PER2: variants seen among roughly 807,000 people sequenced by gnomAD.
PER2 encodes the protein period circadian protein homolog 2.
Under a neutral mutation model 121.0 loss-of-function variants are expected in PER2, and 66 were observed. The ratio of observed to expected loss-of-function variants is 0.55; its 90% CI spans 0.45 to 0.67. PER2 has a LOEUF of 0.67. Ranked by LOEUF, PER2 falls within the 30% of genes least tolerant of loss-of-function variation. The pLI, the probability that PER2 is intolerant of heterozygous loss-of-function variation, is 0.00. For synonymous variants in PER2, 684 were observed against 659.9 expected, an observed-to-expected ratio of 1.04 and a Z score of -0.56; for missense variants, 1,521 against 1,635.0, an observed-to-expected ratio of 0.93 and a Z score of 1.20.
In PER2 at chr2:238,255,820, G is replaced by A. The variant is rs776825630; in HGVS notation, c.2157C>T (p.Pro719=). Residue 719 remains proline, a synonymous_variant, in exon 18 of 23, where the codon CCC becomes CCT. Transcript: ENST00000254657. ...LACGLSQEKE[P]FKKLGLTKEV... ...CCTTGGTGAGGCCCAGCTTCTTGAA[G>A]GGCTCCTTCTCTTGGCTGAGACCAC... 6.2e-7 allele frequency: 1 copy of A among 1,614,168 alleles called. No homozygotes were observed. Among genetic ancestry groups the A allele is most frequent in the Non-Finnish European group, 8.5e-7 (1 of 1,180,012 alleles).
chr2:238,255,487 G>T, intron 18 of PER2, 170 bp downstream of exon 18: 1 of 732,708 alleles, frequency 1.4e-6, no homozygotes, highest in Non-Finnish European at 2.4e-6. Context: ...CACCCCCCCG[G>T]TGGGAAGTTC....
chr2:238,293,442 A>C (rs1696995631), upstream of PER2, among the ~76,000 whole-genome samples: 1 of 152,214 alleles, frequency 6.6e-6, no homozygotes. Context: ...AGAAAGGATT[A>C]AAACCTCAAA....
upstream of PER2, chr2:238,289,723 G>A (rs927023057): frequency 6.6e-6 from 1 of 152,300 alleles, no homozygotes; most frequent in African/African-American, 2.4e-5. Context: ...AACGGTGCAA[G>A]CCGTAGAGAC....
At position 238,275,911 on chromosome 2, in the gene PER2, G is replaced by C; in HGVS notation, c.294-14C>G. 6.2e-7 allele frequency: 1 copy of C among 1,614,188 alleles called. No homozygotes were observed. The highest frequency in any genetic ancestry group is 8.5e-7 in the Non-Finnish European group (1 of 1,179,972). ...GACTGGTCGCTACTGCAGGATTCAA[G>C]AAAGAGGCAGCCAAATGTTAGCTTC... On this transcript the variant is annotated splice_polypyrimidine_tract_variant and intron_variant, in intron 3 of 22. Coordinates refer to ENST00000254657, the MANE Select transcript of PER2 (RefSeq NM_022817.3).
At chr2:238,261,310 C>T (rs13382977) in intron 12 of PER2, 11,452 of 391,106 alleles carry the variant, frequency 0.029, 456 homozygotes, top group African/African-American at 0.12. Flanking sequence ...GACAGGCAGG[C>T]GCCTACTCAG....
chr2:238,249,166 G>T lies in PER2; in HGVS notation c.3514C>A (p.Leu1172Ile). 6.2e-7 allele frequency: 1 copy of T among 1,614,090 alleles called. No homozygotes were observed. Among genetic ancestry groups the T allele is most frequent in the Non-Finnish European group, 8.5e-7 (1 of 1,179,946 alleles). Residue 1172 changes from leucine (L) to isoleucine (I), a missense_variant, in exon 22 of 23, where the codon CTA becomes ATA. By Grantham distance (5) the Leu-to-Ile change is conservative. Coordinates refer to ENST00000254657, the MANE Select transcript of PER2 (RefSeq NM_022817.3). ...GTGAACCTGGGCTGGAGTTTCTGTA[G>T]GAGCTTCAGCTTCTCTCTGTCCTCC... Reference protein sequence around the residue: ...LKEDREKLKLLQKLQPRFTES... With the variant: ...LKEDREKLKLIQKLQPRFTES...
chr2:238,260,898 T>C lies in PER2; in HGVS notation c.1472A>G (p.His491Arg). The C allele has an allele frequency of 1.2e-6, 2 of 1,613,724 alleles. No individual in the cohort carries two copies. Among genetic ancestry groups the C allele is most frequent in the Non-Finnish European group, 1.7e-6 (2 of 1,180,008 alleles). ...GYGSLGSNGS[H>R]EHLMSQTSSS... ...GGAGGTCTGGCTCATAAGGTGCTCG[T>C]GGGACCCGTTGCTGCCCAGACTCCC... is the stretch of plus-strand genomic sequence containing the variant. Residue 491 changes from histidine (H) to arginine (R), a missense_variant, in exon 13 of 23, where the codon CAC becomes CGC. Coordinates refer to ENST00000254657, the MANE Select transcript of PER2 (RefSeq NM_022817.3).
intron 6 of PER2, 91 bp downstream of exon 6, chr2:238,271,221 G>A: frequency 8.8e-7 from 1 of 1,137,068 alleles, no homozygotes; most frequent in Non-Finnish European, 1.3e-6. Context: ...GAAAGGTGAG[G>A]CAGGGCGCCT....
At chr2:238,256,122 C>T (rs1369187908) in intron 17 of PER2, among the ~76,000 whole-genome samples, 2 of 152,250 alleles carry the variant, frequency 1.3e-5, no homozygotes, top group Non-Finnish European at 2.9e-5. Context: ...CCCTGACAGC[C>T]AGGTGCTCAG....
intron 6 of PER2, among the ~76,000 whole-genome samples, chr2:238,269,574 A>G (rs34063198): frequency 0.057 from 5,266 of 92,698 alleles, 323 homozygotes; most frequent in African/African-American, 0.17. Flanking sequence ...ACACACTCAC[A>G]GTGCACTGCT....
chr2:238,268,164 G>T lies in PER2; in HGVS notation c.859C>A (p.His287Asn), dbSNP rs759237011. The change falls in exon 8 of 23, where the codon CAC (histidine) becomes AAC (asparagine). Residue 287 changes from histidine to asparagine, a missense_variant. Transcript: ENST00000254657. This position sits in a 1 kb window ranked among gnomAD's most constrained non-coding sequence, Gnocchi z 4.0. ...AGGTAGGGCGTCATGCGGAAGGGGT[G>T]GTAGCGGATTTCATTCTCGTGGCTT... is the stretch of plus-strand genomic sequence containing the variant. ...RKSHENEIRY[H>N]PFRMTPYLVK... The T allele has an allele frequency of 3.1e-6, 5 of 1,614,066 alleles. No homozygotes were observed. The highest frequency in any genetic ancestry group is 3.4e-6 in the Non-Finnish European group (4 of 1,179,980).
intron 12 of PER2, 136 bp from the exon 13 acceptor site, chr2:238,261,089 G>A: frequency 9.2e-7 from 1 of 1,091,580 alleles, no homozygotes. Context: ...CAGGGGAGCT[G>A]AGGTTTGAAC....
intron 1 of PER2, among the ~76,000 whole-genome samples, chr2:238,283,593 G>A (rs962724864): frequency 6.6e-5 from 10 of 152,208 alleles, no homozygotes; most frequent in East Asian, 3.9e-4. Context: ...GTAGGAGGGC[G>A]GCAGCAAGGC....
At chr2:238,261,081 GGGGAGCTGA>G in intron 12 of PER2, 128 bp from the exon 13 acceptor site, 1 of 1,141,118 alleles carries the variant, frequency 8.8e-7, no homozygotes. Context: ...GCAGAGACCA[GGGGAGCTGA>G]GGTTTGAACC....
chr2:238,271,644 C>T (rs987138273), intron 5 of PER2, 131 bp from the exon 6 acceptor site: 8 of 715,198 alleles, frequency 1.1e-5, no homozygotes, highest in Non-Finnish European at 1.7e-5. Flanking sequence ...GACTCCCTTG[C>T]CTAGCCCTCA....
chr2:238,255,437 G>A, intron 18 of PER2: 2 of 621,104 alleles, frequency 3.2e-6, no homozygotes, highest in Non-Finnish European at 5.8e-6. Context: ...GCACTAGCCT[G>A]GGACTATTCC....
chr2:238,265,512 C>G lies in PER2; in HGVS notation c.1046G>C (p.Arg349Thr). Residue 349 changes from arginine (R) to threonine (T), a missense_variant and splice_region_variant, in exon 9 of 23, where the codon AGG becomes ACG. By Grantham distance (71) the Arg-to-Thr change is moderately conservative. Coordinates refer to ENST00000254657, the MANE Select transcript of PER2 (RefSeq NM_022817.3). ...PNCLFQDVDE[R>T]AVPLLGYLPQ... Reference sequence around the variant, plus strand: ...AAGGGGGTGGGTCAAGACCACGTACCTTTCATCCACATCCTGGAACAAACA... The same window carrying G: ...AAGGGGGTGGGTCAAGACCACGTACGTTTCATCCACATCCTGGAACAAACA... 6.9e-6 allele frequency: 11 copies of G among 1,602,458 alleles called. No individual in the cohort carries two copies. The highest frequency in any genetic ancestry group is 9.4e-6 in the Non-Finnish European group (11 of 1,169,372).
At chr2:238,285,923 G>A (rs945389906) in intron 1 of PER2, among the ~76,000 whole-genome samples, 9 of 152,160 alleles carry the variant, frequency 5.9e-5, no homozygotes, top group Non-Finnish European at 7.3e-5. Flanking sequence ...CCAGCCTGCT[G>A]TAATCCTGAG....
chr2:238,281,853 A>G (rs1696641047), intron 1 of PER2, among the ~76,000 whole-genome samples: 2 of 152,174 alleles, frequency 1.3e-5, no homozygotes, highest in Admixed American at 1.3e-4. Context: ...ACCTCCAGGA[A>G]TCCATTGCAG....
Sources: allele counts gnomAD v4.1 joint callset (sites outside exome capture counted in the v4.1 genomes callset), GRCh38; gene constraint gnomAD v4.1.1; non-coding constraint Gnocchi (gnomAD v3.1); transcripts MANE v1.5; gene names NCBI Gene and HGNC (gene_info 2026-07-23, HGNC 2026-07-21).